OSBPL6: variants seen among roughly 807,000 people sequenced by gnomAD.
OSBPL6 encodes oxysterol binding protein like 6.
A neutral mutation model predicts 125.8 loss-of-function variants in OSBPL6; 49 were observed. The observed-to-expected ratio is 0.39, with a 90% CI of 0.31 to 0.49. The LOEUF is 0.49. OSBPL6 is among the 20% of genes least tolerant of loss of function. The probability of loss-of-function intolerance (pLI) is 0.88; values close to 1 mark genes in which losing one functional copy is unlikely to be tolerated. For synonymous variants in OSBPL6, 394 were observed against 391.8 expected (o/e 1.01, Z -0.07); for missense variants, 986 against 1,135.4 (o/e 0.87, Z 1.89).
chr2:178,346,005 T>C (rs1258571962), intron 11 of OSBPL6, among the ~76,000 whole-genome samples: 1 of 151,758 alleles, frequency 6.6e-6, no homozygotes, highest in Admixed American at 6.6e-5. Flanking sequence ...CTTTGCAGCA[T>C]GTAGTAAGAA....
Position 178,385,526 on chromosome 2 carries a change from G to A in OSBPL6, c.2077+5G>A, listed in dbSNP as rs1694865438. On this transcript the variant is annotated splice_donor_5th_base_variant and intron_variant, in intron 19 of 24. Coordinates refer to ENST00000190611, the MANE Select transcript of OSBPL6 (RefSeq NM_032523.4). Reference sequence around the variant, plus strand: ...AGAATTTTGTGTTTTGGCAAGGTTTGTATTTCAATTATAATTTAAAATCAA... The same window carrying A: ...AGAATTTTGTGTTTTGGCAAGGTTTATATTTCAATTATAATTTAAAATCAA... The A allele has an allele frequency of 6.3e-7, 1 of 1,585,700 alleles. No homozygotes were observed. The highest frequency in any genetic ancestry group is 1.3e-5 in the African/African-American group (1 of 74,276).
chr2:178,261,828 C>A (rs1410129643), intron 1 of OSBPL6, among the ~76,000 whole-genome samples: 1 of 152,164 alleles, frequency 6.6e-6, no homozygotes, highest in African/African-American at 2.4e-5. Context: ...ACTTTGAACA[C>A]TTTCTTGGAA....
chr2:178,202,454 G>C (rs951436966), intron 1 of OSBPL6, among the ~76,000 whole-genome samples: 1 of 152,182 alleles, frequency 6.6e-6, no homozygotes, highest in African/African-American at 2.4e-5. Context: ...CCTCCTGTTT[G>C]CATTGTTTTC....
At chr2:178,276,122 C>T (rs910646333) in intron 1 of OSBPL6, among the ~76,000 whole-genome samples, 2 of 151,942 alleles carry the variant, frequency 1.3e-5, no homozygotes, top group Non-Finnish European at 2.9e-5. Context: ...AAATATATTA[C>T]GATCATCATA....
chr2:178,327,725 G>C (rs996517980), intron 4 of OSBPL6, among the ~76,000 whole-genome samples: 5 of 152,054 alleles, frequency 3.3e-5, no homozygotes, highest in Non-Finnish European at 5.9e-5. Flanking sequence ...TGGTGAGCAG[G>C]TGTCTTATGT....
chr2:178,264,514 C>G (rs2092165913), intron 1 of OSBPL6, among the ~76,000 whole-genome samples: 1 of 152,186 alleles, frequency 6.6e-6, no homozygotes, highest in Non-Finnish European at 1.5e-5. Flanking sequence ...TAACTAATTT[C>G]TAAATTGCAT....
At chr2:178,307,837 A>G (rs1358363359) in intron 3 of OSBPL6, among the ~76,000 whole-genome samples, 1 of 152,108 alleles carries the variant, frequency 6.6e-6, no homozygotes, top group Non-Finnish European at 1.5e-5. Flanking sequence ...GTAAAGACGG[A>G]TGACTCCTGT....
At chr2:178,381,759 C>T (rs2154113441) in intron 15 of OSBPL6, among the ~76,000 whole-genome samples, 1 of 152,308 alleles carries the variant, frequency 6.6e-6, no homozygotes, top group African/African-American at 2.4e-5. Context: ...CTCCAACATC[C>T]TGTGCATTTT....
intron 1 of OSBPL6, among the ~76,000 whole-genome samples, chr2:178,251,860 G>A (rs1302943325): frequency 6.6e-6 from 1 of 152,242 alleles, no homozygotes; most frequent in East Asian, 1.9e-4. Context: ...GCATGTGCTT[G>A]TCATTGTGTA....
In OSBPL6 at chr2:178,319,796, T is replaced by C. The variant is rs146552114; in HGVS notation, c.103-4381T>C. Among the ~76,000 whole-genome samples, 786 of 152,372 alleles carry C rather than the reference T, an allele frequency of 5.2e-3. 3 individuals are homozygous for C. The highest frequency in any genetic ancestry group is 8.7e-3 in the Non-Finnish European group (595 of 68,030). On this transcript the variant is annotated intron_variant, in intron 3 of 24. Coordinates refer to ENST00000190611, the MANE Select transcript of OSBPL6 (RefSeq NM_032523.4). The stretch of plus-strand genomic sequence containing the variant: ...ATAACTAGAAGAGATACATGCGAGA[T>C]AGCTGAAAGCTTGAAGAACGTACTT...
chr2:178,355,392 A>T (rs888198774), intron 12 of OSBPL6, among the ~76,000 whole-genome samples: 34 of 152,254 alleles, frequency 2.2e-4, no homozygotes, highest in Admixed American at 7.9e-4. Flanking sequence ...GCAATAAAAA[A>T]TGATAAAGGG....
At chr2:178,262,052 GT>G (rs1411111874) in intron 1 of OSBPL6, among the ~76,000 whole-genome samples, 1 of 149,150 alleles carries the variant, frequency 6.7e-6, no homozygotes, top group Non-Finnish European at 1.5e-5. Flanking sequence ...AGGCATTTTG[GT>G]TAGTATTTTG....
intron 4 of OSBPL6, 29 bp from the exon 5 acceptor site, chr2:178,328,227 T>G (rs779802529): frequency 2.5e-6 from 4 of 1,611,976 alleles, no homozygotes; most frequent in Non-Finnish European, 3.4e-6. Flanking sequence ...CTGAGTAACA[T>G]GTGATTTGTT....
At position 178,240,415 on chromosome 2, in the gene OSBPL6, G is replaced by A. The variant is rs561525418; in HGVS notation, c.-350-44512G>A. ...AGACCCCCATCTCTACTAAAAATAC[G>A]AAAATTAGCCAGGCACGGTGGTGCA... is the stretch of plus-strand genomic sequence containing the variant. On this transcript the variant is annotated intron_variant, in intron 1 of 24. Transcript: ENST00000190611. Among the ~76,000 whole-genome samples, 12 of 151,994 alleles carry A rather than the reference G, an allele frequency of 7.9e-5. No individual in the cohort carries two copies. The South Asian group carries it at 1.0e-3, about 13-fold the overall frequency.
intron 1 of OSBPL6, among the ~76,000 whole-genome samples, chr2:178,206,189 C>T (rs962229240): frequency 6.6e-6 from 1 of 152,064 alleles, no homozygotes; most frequent in Non-Finnish European, 1.5e-5. Context: ...AAGTATTTTC[C>T]AACAGGTAGA....
chr2:178,254,403 A>AG (rs1553535322), intron 1 of OSBPL6, among the ~76,000 whole-genome samples: 1 of 151,894 alleles, frequency 6.6e-6, no homozygotes, highest in Non-Finnish European at 1.5e-5. Flanking sequence ...AAAAAAAAAA[A>AG]AAAGAAAGAA....
intron 1 of OSBPL6, among the ~76,000 whole-genome samples, chr2:178,197,772 T>C (rs1023277695): frequency 7.2e-5 from 11 of 152,030 alleles, no homozygotes; most frequent in Non-Finnish European, 1.3e-4. Context: ...GGGGTAGATA[T>C]TGTATTAAAA....
At chr2:178,331,514 A>C in intron 5 of OSBPL6, 38 bp from the exon 6 acceptor site, 1 of 1,609,076 alleles carries the variant, frequency 6.2e-7, no homozygotes, top group Non-Finnish European at 8.5e-7. Flanking sequence ...ATGTAATTCA[A>C]AATACAGACA....
chr2:178,287,864 C>T (rs1684853318), intron 2 of OSBPL6, among the ~76,000 whole-genome samples: 2 of 152,106 alleles, frequency 1.3e-5, no homozygotes, highest in South Asian at 2.1e-4. Context: ...TTTCCTTTAA[C>T]TCCCTGAGGA....
Sources: gnomAD v4.1 joint callset for allele counts (sites outside exome capture counted in the v4.1 genomes callset) on GRCh38, gnomAD v4.1.1 for gene constraint, MANE v1.5 for transcripts, NCBI Gene and HGNC (gene_info 2026-07-23, HGNC 2026-07-21) for gene names.